The following RBFOX1 variants were observed in gnomAD, a reference collection of about 807,000 sequenced individuals.
RBFOX1 encodes RNA binding fox-1 homolog 1, also known as RNA binding protein fox-1 homolog 1.
A neutral mutation model predicts 57.7 loss-of-function variants in RBFOX1; 8 were observed. That is an observed-to-expected ratio of 0.14 (90% confidence interval 0.08 to 0.25). RBFOX1 has a LOEUF of 0.25. RBFOX1 is among the 10% of genes least tolerant of loss of function. The probability of loss-of-function intolerance (pLI) is 1.00; values close to 1 mark genes in which losing one functional copy is unlikely to be tolerated. For missense variants in RBFOX1, 611 were observed against 548.5 expected, an observed-to-expected ratio of 1.11 and a Z score of -1.14; for synonymous variants, 326 against 222.4, an observed-to-expected ratio of 1.47 and a Z score of -4.15.
chr16:7,220,230 G>A (rs1263395681), intron 4 of RBFOX1, among the ~76,000 whole-genome samples: 1 of 152,206 alleles, frequency 6.6e-6, no homozygotes, highest in Non-Finnish European at 1.5e-5. Flanking sequence ...AAGCAAGTAA[G>A]AGAAGGATAA....
At chr16:7,657,603 A>T (rs2066640425) in intron 12 of RBFOX1, among the ~76,000 whole-genome samples, 1 of 152,342 alleles carries the variant, frequency 6.6e-6, no homozygotes, top group Admixed American at 6.5e-5. Context: ...CTGCGCACAG[A>T]CATTCATCAA....
At chr16:7,403,239 A>G (rs143576585) in intron 4 of RBFOX1, among the ~76,000 whole-genome samples, 11 of 152,308 alleles carry the variant, frequency 7.2e-5, no homozygotes, top group African/African-American at 1.7e-4. Context: ...TTTTGGTGAG[A>G]TCACTTAGAA....
At chr16:6,386,642 G>C (rs1007657831) in intron 2 of RBFOX1, among the ~76,000 whole-genome samples, 6 of 152,216 alleles carry the variant, frequency 3.9e-5, no homozygotes, top group African/African-American at 1.4e-4. Context: ...CCCAAAGAGA[G>C]AAAAGAAGTT....
At chr16:7,225,907 T>TAAATAA (rs761790895) in intron 4 of RBFOX1, among the ~76,000 whole-genome samples, 9,991 of 130,996 alleles carry the variant, frequency 0.076, 731 homozygotes, top group African/African-American at 0.18. Context: ...GTATAATAAA[T>TAAATAA]ATATATATAT....
intron 3 of RBFOX1, among the ~76,000 whole-genome samples, chr16:6,885,579 T>C (rs1469449747): frequency 6.6e-6 from 1 of 152,118 alleles, no homozygotes; most frequent in Non-Finnish European, 1.5e-5. Flanking sequence ...TCATCCAGGC[T>C]GGAGTGTAAT....
At chr16:7,491,786 A>G (rs948687207) in intron 4 of RBFOX1, among the ~76,000 whole-genome samples, 2 of 152,258 alleles carry the variant, frequency 1.3e-5, no homozygotes. Context: ...ACATGCCACC[A>G]TGCCCAGCTA....
At chr16:7,420,163 C>T (rs897626684) in intron 4 of RBFOX1, among the ~76,000 whole-genome samples, 1 of 152,038 alleles carries the variant, frequency 6.6e-6, no homozygotes, top group African/African-American at 2.4e-5. Context: ...GCTCTCTCTC[C>T]AGTCTAAATA....
intron 3 of RBFOX1, among the ~76,000 whole-genome samples, chr16:5,704,981 A>T (rs568734334): frequency 2.0e-5 from 3 of 152,270 alleles, no homozygotes; most frequent in Non-Finnish European, 4.4e-5. Context: ...CCAAGGGCAC[A>T]TGTGTAGATC....
At chr16:5,454,963 CTT>C (rs1197397584) in intron 1 of RBFOX1, among the ~76,000 whole-genome samples, 1 of 48,748 alleles carries the variant, frequency 2.1e-5, no homozygotes, top group Non-Finnish European at 4.3e-5. Context: ...TCCTTCCTTT[CTT>C]TCTTTCTTTC....
intron 1 of RBFOX1, among the ~76,000 whole-genome samples, chr16:5,319,023 A>T (rs1419621143): frequency 6.6e-6 from 1 of 152,116 alleles, no homozygotes; most frequent in Non-Finnish European, 1.5e-5. Context: ...GCTACTTGGG[A>T]GGCTGAGGCA....
At position 6,527,061 on chromosome 16, in the gene RBFOX1, T is replaced by C. The variant is rs539687988; in HGVS notation, c.-63-127542T>C. Among the ~76,000 whole-genome samples, 17 of 152,218 alleles carry C rather than the reference T, an allele frequency of 1.1e-4. No individual in the cohort carries two copies. In the South Asian group the frequency reaches 1.4e-3, roughly 13 times the overall value. ...TAGCCGCCTCCCAAAAGAATTTGAC[T>C]ATATTTTTCCATTAGTCTCTTTGTA... On this transcript the variant is annotated intron_variant, in intron 2 of 15. Coordinates refer to ENST00000550418, the MANE Select transcript of RBFOX1 (RefSeq NM_018723.4).
intron 2 of RBFOX1, among the ~76,000 whole-genome samples, chr16:5,482,724 T>C (rs2069588593): frequency 6.6e-6 from 1 of 152,184 alleles, no homozygotes; most frequent in Non-Finnish European, 1.5e-5. Flanking sequence ...TCCTTGCTTC[T>C]AAACGTGCTG....
intron 1 of RBFOX1, among the ~76,000 whole-genome samples, chr16:6,110,587 G>C (rs2096434639): frequency 2.6e-5 from 4 of 152,148 alleles, no homozygotes; most frequent in Non-Finnish European, 5.9e-5. Context: ...GGATCCATGA[G>C]AATGTGAAAT....
At chr16:5,901,225 T>A (rs1422224800) in intron 4 of RBFOX1, among the ~76,000 whole-genome samples, 1 of 152,124 alleles carries the variant, frequency 6.6e-6, no homozygotes, top group Non-Finnish European at 1.5e-5. Context: ...CTTATATCCA[T>A]CTCCTCATCC....
intron 4 of RBFOX1, among the ~76,000 whole-genome samples, chr16:5,973,320 A>G (rs779861065): frequency 6.6e-6 from 1 of 152,182 alleles, no homozygotes; most frequent in Non-Finnish European, 1.5e-5. Context: ...AATTAGATCT[A>G]TATCACACAT....
chr16:7,003,957 AC>A (rs1352836278), intron 3 of RBFOX1: 16 of 150,564 alleles, frequency 1.1e-4, no homozygotes, highest in Admixed American at 2.0e-4. Context: ...TTTTAAAAAA[AC>A]ATCCCATTTT....
At chr16:5,452,890 C>T (rs1221408876) in intron 1 of RBFOX1, among the ~76,000 whole-genome samples, 2 of 152,096 alleles carry the variant, frequency 1.3e-5, no homozygotes, top group Non-Finnish European at 2.9e-5. Flanking sequence ...GCTCGGCTTC[C>T]CAAAGTGCTG....
chr16:7,430,401 C>T (rs550984642), intron 4 of RBFOX1, among the ~76,000 whole-genome samples: 1 of 152,264 alleles, frequency 6.6e-6, no homozygotes, highest in African/African-American at 2.4e-5. Context: ...GTGGCTCATG[C>T]CTGTAATCCC....
intron 13 of RBFOX1, among the ~76,000 whole-genome samples, chr16:7,675,903 T>C (rs991403600): frequency 5.9e-5 from 9 of 152,220 alleles, no homozygotes; most frequent in African/African-American, 1.9e-4. Flanking sequence ...TGATGTATCA[T>C]TGTGGTCCAC....
Sources: allele counts gnomAD v4.1 joint callset (sites outside exome capture counted in the v4.1 genomes callset), GRCh38; gene constraint gnomAD v4.1.1; transcripts MANE v1.5; gene names NCBI Gene and HGNC (gene_info 2026-07-23, HGNC 2026-07-21).